The following DELE1 variants were observed in gnomAD, a reference collection of about 807,000 sequenced individuals.
DELE1 encodes DAP3 binding cell death enhancer 1.
A neutral mutation model predicts 59.3 loss-of-function variants in DELE1; 54 were observed. The ratio of observed to expected loss-of-function variants is 0.91; its 90% confidence interval spans 0.73 to 1.14. The LOEUF is 1.14. DELE1 is among the 50% of genes most tolerant of loss of function. DELE1 has a pLI of 0.00. For missense variants in DELE1, 636 were observed against 643.9 expected, an observed-to-expected ratio of 0.99 and a Z score of 0.13; for synonymous variants, 264 against 259.1, an observed-to-expected ratio of 1.02 and a Z score of -0.18.
At chr5:141,926,173 C>T (rs1041571925) in intron 3 of DELE1, among the ~76,000 whole-genome samples, 7 of 152,264 alleles carry the variant, frequency 4.6e-5, no homozygotes, top group East Asian at 1.9e-4. Context: ...CCACCGCGCC[C>T]GGCCTTATAG....
chr5:141,941,764 A>T lies in DELE1; in HGVS notation c.*3005A>T, dbSNP rs1752751076. ...TTGGTTTACTATATCATTAGTGCTAATATAGTGTGGGGCACTCAGATGTTC... is the reference window on the plus strand; with the variant it reads ...TTGGTTTACTATATCATTAGTGCTATTATAGTGTGGGGCACTCAGATGTTC... On this transcript the variant is annotated 3_prime_UTR_variant, in exon 12 of 12. Coordinates refer to ENST00000432126, the MANE Select transcript of DELE1 (RefSeq NM_014773.5). 2.0e-6 allele frequency: 2 copies of T among 985,386 alleles called. No individual in the cohort carries two copies. The highest frequency in any genetic ancestry group is 2.4e-6 in the Non-Finnish European group (2 of 829,902). The allele number at this position is 985,386 out of a possible 1,614,324, so 61.0% of individuals were successfully genotyped here.
intron 10 of DELE1, among the ~76,000 whole-genome samples, chr5:141,935,524 C>T (rs888504858): frequency 1.3e-5 from 2 of 152,194 alleles, no homozygotes; most frequent in Non-Finnish European, 2.9e-5. Flanking sequence ...TGTTTTCTGG[C>T]CAATACACTG....
In DELE1 at chr5:141,938,778, C is replaced by A; in HGVS notation, c.*19C>A. 1 of 1,595,776 alleles carries A rather than the reference C, an allele frequency of 6.3e-7. No individual in the cohort carries two copies. Among genetic ancestry groups the A allele is most frequent in the South Asian group, 1.1e-5 (1 of 90,116 alleles). On this transcript the variant is annotated 3_prime_UTR_variant, in exon 12 of 12. Transcript: ENST00000432126. ...TGGCTAAGGTGAGATAAAACATAGT[C>A]CCTGGTGCCTCTTAGGGGCCAGAGC...
intron 3 of DELE1, among the ~76,000 whole-genome samples, 163 bp from the exon 4 acceptor site, chr5:141,927,988 G>T (rs1751555157): frequency 6.6e-6 from 1 of 152,228 alleles, no homozygotes; most frequent in Non-Finnish European, 1.5e-5. Context: ...TTGTTTAAAT[G>T]CCAGTGTGGT....
chr5:141,939,019 C>G lies in DELE1; in HGVS notation c.*260C>G. The G allele has an allele frequency of 7.7e-7, 1 of 1,298,708 alleles. No homozygotes were observed. Among genetic ancestry groups the G allele is most frequent in the Non-Finnish European group, 9.8e-7 (1 of 1,021,390 alleles). The allele number at this position is 1,298,708 out of a possible 1,614,324, so 80.4% of individuals were successfully genotyped here. ...TGCATTCAGTGACCTATGAAAAACC[C>G]TACTGAAGGGTCCAGAGACCCTGGT... On this transcript the variant is annotated 3_prime_UTR_variant, in exon 12 of 12. Coordinates refer to ENST00000432126, the MANE Select transcript of DELE1 (RefSeq NM_014773.5).
rs774079013 is a variant in DELE1, at chr5:141,934,324, G to A, written c.982G>A (p.Ala328Thr). The change falls in exon 9 of 12, where the codon GCC becomes ACC. Residue 328 changes from alanine (A) to threonine (T), a missense_variant. Ala to Thr is a moderately conservative substitution (Grantham distance 58). Coordinates refer to ENST00000432126, the MANE Select transcript of DELE1 (RefSeq NM_014773.5). ...TGCCAGGTGCCTACTACGAGACCCA[G>A]CCTCTTCGTGGAACCCTGAGCGGCA... ...RYARCLLRDP[A>T]SSWNPERQRA... is the part of the protein sequence containing the mutation. 6.2e-7 allele frequency: 1 copy of A among 1,614,216 alleles called. No individual in the cohort carries two copies. The highest frequency in any genetic ancestry group is 1.1e-5 in the South Asian group (1 of 91,086).
In DELE1 at chr5:141,933,251, T is replaced by C. The variant is rs1596610081; in HGVS notation, c.755-8T>C. ...GAAGCTGTGTTTGTGCCCTGTGCCT[T>C]CTTACAGGAACAGAGAACATGAAGA... is the stretch of plus-strand genomic sequence containing the variant. On this transcript the variant is annotated splice_region_variant and splice_polypyrimidine_tract_variant and intron_variant, in intron 7 of 11. Transcript: ENST00000432126. 6.5e-7 allele frequency: 1 copy of C among 1,531,914 alleles called. No individual in the cohort carries two copies. The highest frequency in any genetic ancestry group is 2.3e-5 in the East Asian group (1 of 42,698). The allele number at this position is 1,531,914 out of a possible 1,614,324, so 94.9% of individuals were successfully genotyped here.
At chr5:141,936,528 G>A (rs1267804060) in intron 10 of DELE1, among the ~76,000 whole-genome samples, 2 of 152,158 alleles carry the variant, frequency 1.3e-5, no homozygotes, top group South Asian at 2.1e-4. Flanking sequence ...TCCGCCTCCC[G>A]GGTTCACATG....
intron 4 of DELE1, 35 bp from the exon 5 acceptor site, chr5:141,929,547 G>A: frequency 6.2e-7 from 1 of 1,607,454 alleles, no homozygotes; most frequent in Non-Finnish European, 8.5e-7. Flanking sequence ...ATCGCGCCTG[G>A]CCCAGACCTG....
At chr5:141,935,139 A>G (rs144642888) in intron 10 of DELE1, 1 of 154,650 alleles carries the variant, frequency 6.5e-6, no homozygotes, top group East Asian at 1.9e-4. Flanking sequence ...AAGTGGAGAC[A>G]GTAAACAGGG....
chr5:141,934,219 G>C, intron 8 of DELE1, 21 bp from the exon 9 acceptor site: 14 of 1,583,156 alleles, frequency 8.8e-6, no homozygotes, highest in Non-Finnish European at 1.2e-5. Context: ...AGCCGACTGG[G>C]TGTTTCTCCC....
chr5:141,924,068 C>A (rs13183870), intron 1 of DELE1, 96 bp downstream of exon 1: 152,661 of 1,488,696 alleles, frequency 0.1, 11,096 homozygotes, highest in African/African-American at 0.37. Context: ...GATCGTGGGC[C>A]GGGTTAGAGC....
chr5:141,941,931 T>C lies in DELE1; in HGVS notation c.*3172T>C. 1.0e-6 allele frequency: 1 copy of C among 985,376 alleles called. No homozygotes were observed. Among genetic ancestry groups the C allele is most frequent in the Non-Finnish European group, 1.2e-6 (1 of 829,932 alleles). 61.0% of individuals were successfully genotyped at this position (985,376 alleles called of 1,614,324 possible). On this transcript the variant is annotated 3_prime_UTR_variant, in exon 12 of 12. Coordinates refer to ENST00000432126, the MANE Select transcript of DELE1 (RefSeq NM_014773.5). ...TTTAAATAACTTGAATGAATAATTC[T>C]GTATTGCCCCCCACTCGCCGCCTAT...
Position 141,930,256 on chromosome 5 carries a change from A to T in DELE1, c.736A>T (p.Ile246Phe), listed in dbSNP as rs2126877683. 6.2e-7 allele frequency: 1 copy of T among 1,613,680 alleles called. No individual in the cohort carries two copies. Among genetic ancestry groups the T allele is most frequent in the Non-Finnish European group, 8.5e-7 (1 of 1,179,608 alleles). ...IQQLFQLSVS[I>F]AFNFLGTENM... ...GCAGCTCTTCCAGCTCAGTGTTTCC[A>T]TCGCTTTCAACTTCCTGGGTAACCA... The change falls in exon 7 of 12, where the codon ATC (isoleucine) becomes TTC (phenylalanine). Residue 246 changes from isoleucine to phenylalanine, a missense_variant. Coordinates refer to ENST00000432126, the MANE Select transcript of DELE1 (RefSeq NM_014773.5).
chr5:141,933,402 G>T lies in DELE1; in HGVS notation c.897+1G>T. ...AGGCACCCCCAGGGACATTAGCAAG[G>T]TATTCCCCTGCCCCCAAGCCTGCCT... On this transcript the variant is annotated splice_donor_variant, in intron 8 of 11. Transcript: ENST00000432126. LOFTEE classifies it high-confidence loss of function. The T allele has an allele frequency of 6.8e-7, 1 of 1,480,428 alleles. No individual in the cohort carries two copies. The highest frequency in any genetic ancestry group is 9.2e-7 in the Non-Finnish European group (1 of 1,092,820). The allele number at this position is 1,480,428 out of a possible 1,614,324, so 91.7% of individuals were successfully genotyped here.
In DELE1 at chr5:141,928,271, T is replaced by C; in HGVS notation, c.385T>C (p.Ser129Pro). Reference sequence around the variant, plus strand: ...GCACAGTCCCCTGGACCGTTTCTTCTCATCTCCCTTGTGGCACCCATGCTC... The same window carrying C: ...GCACAGTCCCCTGGACCGTTTCTTCCCATCTCCCTTGTGGCACCCATGCTC... ...SWHSPLDRFF[S>P]SPLWHPCSSL... The change falls in exon 4 of 12, where the codon TCA (serine) becomes CCA (proline). Residue 129 changes from serine (S) to proline (P), a missense_variant. By Grantham distance (74) the Ser-to-Pro change is moderately conservative. Transcript: ENST00000432126. 6.2e-7 allele frequency: 1 copy of C among 1,614,168 alleles called. No homozygotes were observed. Among genetic ancestry groups the C allele is most frequent in the Non-Finnish European group, 8.5e-7 (1 of 1,180,004 alleles).
At position 141,940,680 on chromosome 5, in the gene DELE1, C is replaced by G; in HGVS notation, c.*1921C>G. 1 of 981,260 alleles carries G rather than the reference C, an allele frequency of 1.0e-6. No individual in the cohort carries two copies. The highest frequency in any genetic ancestry group is 1.2e-6 in the Non-Finnish European group (1 of 825,962). 60.8% of individuals were successfully genotyped at this position (981,260 alleles called of 1,614,324 possible). On this transcript the variant is annotated 3_prime_UTR_variant, in exon 12 of 12. Coordinates refer to ENST00000432126, the MANE Select transcript of DELE1 (RefSeq NM_014773.5). ...CTCCTTTTCAGGGCTGCCCTGCACACTGGCTCACCACTGTTGGACCCTGCA... is the reference window on the plus strand; with the variant it reads ...CTCCTTTTCAGGGCTGCCCTGCACAGTGGCTCACCACTGTTGGACCCTGCA...
At chr5:141,926,255 A>G (rs1751413247) in intron 3 of DELE1, among the ~76,000 whole-genome samples, 1 of 152,226 alleles carries the variant, frequency 6.6e-6, no homozygotes, top group Non-Finnish European at 1.5e-5. Flanking sequence ...TACAAGGGAA[A>G]TATCACCTTC....
intron 8 of DELE1, 112 bp downstream of exon 8, chr5:141,933,513 T>C: frequency 1.3e-6 from 1 of 789,302 alleles, no homozygotes; most frequent in Non-Finnish European, 1.8e-6. Context: ...TCCACTTGGT[T>C]CTAGCCCAGC....
Sources: allele counts gnomAD v4.1 joint callset (sites outside exome capture counted in the v4.1 genomes callset), GRCh38; gene constraint gnomAD v4.1.1; transcripts MANE v1.5; gene names NCBI Gene and HGNC (gene_info 2026-07-23, HGNC 2026-07-21).